The following GIPR variants were observed in gnomAD, a reference collection of about 807,000 sequenced individuals.
GIPR encodes GIP-R.
GIPR carries 74 observed loss-of-function variants against 62.2 expected under a neutral mutation model. The ratio of observed to expected loss-of-function variants is 1.19; its 90% CI spans 0.99 to 1.44. GIPR has a LOEUF of 1.44. GIPR is among the 40% of genes most tolerant of loss of function. GIPR has a pLI of 0.00. For synonymous variants in GIPR, 256 were observed against 262.2 expected (o/e 0.98, Z 0.23); for missense variants, 664 against 611.8 (o/e 1.09, Z -0.90).
intron 4 of GIPR, among the ~76,000 whole-genome samples, chr19:45,672,158 G>A (rs9749185): frequency 0.11 from 17,113 of 150,708 alleles, 1,225 homozygotes; most frequent in East Asian, 0.41. Context: ...GACTACAGGC[G>A]CACGCTAACA....
At chr19:45,674,382 A>G (rs1975720675) in intron 6 of GIPR, 2 of 662,050 alleles carry the variant, frequency 3.0e-6, no homozygotes, top group Admixed American at 4.3e-5. Flanking sequence ...CCAAGGCAGG[A>G]GGATCGCTTG....
chr19:45,669,274 C>A (rs899111990), intron 1 of GIPR, among the ~76,000 whole-genome samples: 1 of 152,188 alleles, frequency 6.6e-6, no homozygotes, highest in African/African-American at 2.4e-5. Context: ...CCGCCCACCA[C>A]CGGAGTTCCA....
At chr19:45,678,968 T>C (rs1967097454) in intron 12 of GIPR, among the ~76,000 whole-genome samples, 1 of 152,248 alleles carries the variant, frequency 6.6e-6, no homozygotes, top group East Asian at 1.9e-4. Flanking sequence ...TTTACCTGAG[T>C]CCCCAACCTG....
chr19:45,670,882 T>G (rs999480877), intron 3 of GIPR, 148 bp downstream of exon 3: 8 of 605,098 alleles, frequency 1.3e-5, no homozygotes, highest in Non-Finnish European at 2.0e-5. Flanking sequence ...TGGTGGGAAC[T>G]GGGGCGGGAC....
chr19:45,677,155 G>C, intron 8 of GIPR, 47 bp downstream of exon 8: 3 of 1,599,378 alleles, frequency 1.9e-6, no homozygotes, highest in Non-Finnish European at 2.6e-6. Flanking sequence ...GCCTCTCCTC[G>C]GCTCCCCCAA....
intron 4 of GIPR, 98 bp from the exon 5 acceptor site, chr19:45,672,753 C>T: frequency 1.4e-6 from 1 of 739,682 alleles, no homozygotes; most frequent in African/African-American, 1.7e-5. Context: ...ATCATCACCA[C>T]TTCGGCTCTC....
At position 45,682,379 on chromosome 19, in the gene GIPR, T is replaced by C. The variant is rs1162802855; in HGVS notation, c.*444T>C. 1 of 169,942 alleles carries C rather than the reference T, an allele frequency of 5.9e-6. No homozygotes were observed. The highest frequency in any genetic ancestry group is 1.8e-4 in the East Asian group (1 of 5,452). The allele number at this position is 169,942 out of a possible 1,614,324, so 10.5% of individuals were successfully genotyped here. ...AGAGAAGTGGGCAGGGGCACCCAAG[T>C]TGGGATTTCATTTCAGGTGCATTGG... is the stretch of plus-strand genomic sequence containing the variant. On this transcript the variant is annotated 3_prime_UTR_variant, in exon 14 of 14. Transcript: ENST00000590918.
At chr19:45,668,451 G>C (rs1975373424) in intron 1 of GIPR, among the ~76,000 whole-genome samples, 153 bp downstream of exon 1, 1 of 152,056 alleles carries the variant, frequency 6.6e-6, no homozygotes. Context: ...TGATGTCTCT[G>C]TCTGCGTGTT....
chr19:45,677,129 C>T, intron 8 of GIPR, 21 bp downstream of exon 8: 1 of 1,611,376 alleles, frequency 6.2e-7, no homozygotes, highest in Non-Finnish European at 8.5e-7. Flanking sequence ...ATCCCGTCCC[C>T]CGCCCAACCC....
chr19:45,669,199 C>A (rs116445573), intron 1 of GIPR, among the ~76,000 whole-genome samples: 1 of 151,854 alleles, frequency 6.6e-6, no homozygotes, highest in Admixed American at 6.6e-5. Flanking sequence ...CAGCAAACAC[C>A]CCCCCCTTCC....
Position 45,669,395 on chromosome 19 carries a change from T to C in GIPR, c.-44-82T>C. 2 of 1,355,522 alleles carry C rather than the reference T, an allele frequency of 1.5e-6. 1 individual carries two copies. The allele number at this position is 1,355,522 out of a possible 1,614,324, so 84.0% of individuals were successfully genotyped here. ...ATACGGCTCCCCAGCCGTCTGCCCC[T>C]GTGTGTGAATCCCTGAGGCGGGGTG... On this transcript the variant is annotated intron_variant, in intron 1 of 13. Transcript: ENST00000590918.
intron 7 of GIPR, among the ~76,000 whole-genome samples, chr19:45,676,464 C>T (rs1287839103): frequency 7.6e-5 from 9 of 117,816 alleles, no homozygotes; most frequent in Admixed American, 2.0e-4. Flanking sequence ...GACGGAGTCT[C>T]CCTCTGTCGC....
chr19:45,677,496 A>C (rs1031978170), intron 9 of GIPR, 113 bp downstream of exon 9: 2 of 876,580 alleles, frequency 2.3e-6, no homozygotes, highest in Admixed American at 2.0e-5. Context: ...TGCTGGGGAT[A>C]CGTGGGCGGG....
At chr19:45,672,764 T>C (rs571043877) in intron 4 of GIPR, 87 bp from the exon 5 acceptor site, 73 of 785,386 alleles carry the variant, frequency 9.3e-5, no homozygotes, top group Middle Eastern at 2.2e-4. Flanking sequence ...TTCGGCTCTC[T>C]CCCTCTCTGT....
Position 45,669,635 on chromosome 19 carries a change from G to A in GIPR, c.72+43G>A, listed in dbSNP as rs775143390. ...CAGAGGAGCTCCAGGCTTGGAGGGA[G>A]GTATGGGGACGGTTTTAGGGCTTCC... is the stretch of plus-strand genomic sequence containing the variant. On this transcript the variant is annotated intron_variant, in intron 2 of 13. Coordinates refer to ENST00000590918, the MANE Select transcript of GIPR (RefSeq NM_000164.4). 5.8e-5 allele frequency: 90 copies of A among 1,547,390 alleles called. No homozygotes were observed. In the Admixed American group the frequency reaches 1.6e-3, roughly 27 times the overall value.
rs749179744 is a variant in GIPR, at chr19:45,676,947, A to C, written c.634-2A>C. On this transcript the variant is annotated splice_acceptor_variant, in intron 7 of 13. Transcript: ENST00000590918. LOFTEE classifies it high-confidence loss of function. ...CCCTCTACCGGTCTGGCCCCTCCCT[A>C]GGCCCTCGCTGCCTGCCGCACGGCC... The C allele has an allele frequency of 6.2e-7, 1 of 1,613,618 alleles. No individual in the cohort carries two copies. Among genetic ancestry groups the C allele is most frequent in the East Asian group, 2.2e-5 (1 of 44,892 alleles).
intron 2 of GIPR, 168 bp from the exon 3 acceptor site, chr19:45,670,467 C>A: frequency 1.8e-6 from 1 of 547,352 alleles, no homozygotes; most frequent in Non-Finnish European, 3.4e-6. Context: ...GGGTGGCTTC[C>A]AGGCACCCCA....
chr19:45,677,838 G>A (rs1462778178), intron 10 of GIPR, 59 bp downstream of exon 10: 1 of 1,597,844 alleles, frequency 6.3e-7, no homozygotes, highest in Middle Eastern at 1.7e-4. Flanking sequence ...CTGGGAAGTG[G>A]GCTGCCACCT....
intron 6 of GIPR, 82 bp from the exon 7 acceptor site, chr19:45,674,600 C>G (rs1975732907): frequency 1.5e-6 from 2 of 1,309,022 alleles, no homozygotes; most frequent in Middle Eastern, 1.8e-4. Context: ...GAGTGAGACC[C>G]TGTTTAAAAA....
Sources: gnomAD v4.1 joint callset for allele counts (sites outside exome capture counted in the v4.1 genomes callset) on GRCh38, gnomAD v4.1.1 for gene constraint, MANE v1.5 for transcripts, NCBI Gene and HGNC (gene_info 2026-07-23, HGNC 2026-07-21) for gene names.